The following PRELID2 variants were observed in gnomAD, a reference collection of about 807,000 sequenced individuals.
The protein encoded by PRELID2 is PRELI domain-containing protein 2.
Under a neutral mutation model 28.4 loss-of-function variants are expected in PRELID2, and 25 were observed. That is an observed-to-expected ratio of 0.88 (90% CI 0.64 to 1.23). The LOEUF (loss-of-function observed/expected upper bound fraction) is 1.23. PRELID2 is among the 50% of genes most tolerant of loss of function. The pLI is 0.00. For synonymous variants in PRELID2, 76 were observed against 71.6 expected (o/e 1.06, Z -0.31); for missense variants, 201 against 214.4 (o/e 0.94, Z 0.39).
At chr5:145,466,069 T>C in the PRELID2 span, among the ~76,000 whole-genome samples, 2 of 152,114 alleles carry the variant, frequency 1.3e-5, no homozygotes, top group Non-Finnish European at 2.9e-5. Context: ...GAGATTTTTC[T>C]TTCTGCTGCT....
At chr5:145,702,611 G>A (rs1050565347) in intron 1 of PRELID2, among the ~76,000 whole-genome samples, 3 of 152,040 alleles carry the variant, frequency 2.0e-5, no homozygotes, top group African/African-American at 2.4e-5. Flanking sequence ...AATGACATTC[G>A]GGTCTTCTGT....
chr5:145,270,184 C>A, the PRELID2 span, among the ~76,000 whole-genome samples: 2 of 151,858 alleles, frequency 1.3e-5, no homozygotes, highest in Non-Finnish European at 2.9e-5. Context: ...AACTCTTCAG[C>A]GGCTTCTTTA....
chr5:145,390,329 G>C, the PRELID2 span, among the ~76,000 whole-genome samples: 4 of 152,190 alleles, frequency 2.6e-5, no homozygotes, highest in African/African-American at 9.6e-5. Flanking sequence ...GTAATTTATA[G>C]AGGAAAGAGG....
the PRELID2 span, among the ~76,000 whole-genome samples, chr5:145,426,951 C>T: frequency 6.6e-6 from 1 of 152,188 alleles, no homozygotes; most frequent in Non-Finnish European, 1.5e-5. Context: ...AGTTTACCCA[C>T]CAATAGGCTT....
chr5:145,635,817 T>C (rs1211446672), intron 1 of PRELID2, among the ~76,000 whole-genome samples: 1 of 152,240 alleles, frequency 6.6e-6, no homozygotes, highest in Non-Finnish European at 1.5e-5. Context: ...AATGATCTTT[T>C]ACCAAGAGCT....
intron 1 of PRELID2, among the ~76,000 whole-genome samples, chr5:145,576,676 T>TAA (rs61665534): frequency 0.32 from 44,479 of 141,126 alleles, 8,186 homozygotes; most frequent in South Asian, 0.45. Context: ...AGCACAATAG[T>TAA]AAAAAAAAAA....
At chr5:145,604,312 T>TTTAG (rs1753464426) in intron 1 of PRELID2, among the ~76,000 whole-genome samples, 1 of 152,108 alleles carries the variant, frequency 6.6e-6, no homozygotes, top group African/African-American at 2.4e-5. Context: ...GTACTCAAGG[T>TTTAG]TTAGCTTCCA....
At chr5:145,487,460 C>T (rs369744835) in intron 1 of PRELID2, among the ~76,000 whole-genome samples, 66 of 152,092 alleles carry the variant, frequency 4.3e-4, no homozygotes, top group Non-Finnish European at 1.9e-4. Flanking sequence ...AATACTGATG[C>T]GAGTAGTATC....
chr5:145,421,234 G>T, the PRELID2 span, among the ~76,000 whole-genome samples: 2 of 148,268 alleles, frequency 1.3e-5, no homozygotes, highest in East Asian at 4.1e-4. Context: ...GTATCAGAAT[G>T]ATGCTGGCCT....
At chr5:145,579,718 C>A (rs995448567) in intron 1 of PRELID2, among the ~76,000 whole-genome samples, 16 of 151,934 alleles carry the variant, frequency 1.1e-4, no homozygotes, top group African/African-American at 2.7e-4. Context: ...GAGGCTGAGC[C>A]CCCCTTTGTC....
At chr5:145,316,461 A>G in the PRELID2 span, among the ~76,000 whole-genome samples, 1 of 152,134 alleles carries the variant, frequency 6.6e-6, no homozygotes, top group Admixed American at 6.5e-5. Context: ...AACACACCAT[A>G]ATCAATCCCT....
chr5:145,740,925 G>T (rs185354640), intron 1 of PRELID2, among the ~76,000 whole-genome samples: 63,694 of 79,528 alleles, frequency 0.8, 25,460 homozygotes, highest in East Asian at 0.97. Context: ...TATATTTATC[G>T]ATAAATATAT....
rs186612682 is a variant in PRELID2, at chr5:145,781,773, T to G, written c.474+14669A>C. Among the ~76,000 whole-genome samples, 360 of 147,518 alleles carry G rather than the reference T, an allele frequency of 2.4e-3. 3 individuals are homozygous for G. Among genetic ancestry groups the G allele is most frequent in the Admixed American group, 3.5e-3 (51 of 14,538 alleles). ...TCTATATATATACACTATATATATA[T>G]ATATACTATATCTATATACACACAT... On this transcript the variant is annotated intron_variant, in intron 5 of 6. Transcript: ENST00000683046.
chr5:145,229,714 T>C, the PRELID2 span: 5 of 756,412 alleles, frequency 6.6e-6, no homozygotes, highest in Non-Finnish European at 1.2e-5. Flanking sequence ...ATCAAGGTCT[T>C]CACCACAGAC....
At chr5:145,296,355 C>A in the PRELID2 span, among the ~76,000 whole-genome samples, 5 of 127,394 alleles carry the variant, frequency 3.9e-5, no homozygotes, top group East Asian at 2.7e-4. Context: ...CCCCACCCCA[C>A]AACAGTCCCC....
intron 1 of PRELID2, among the ~76,000 whole-genome samples, chr5:145,481,650 A>AAAAAAAAG (rs1752162758): frequency 5.1e-5 from 6 of 117,890 alleles, no homozygotes; most frequent in East Asian, 2.2e-4. Context: ...AAAAAAAAAA[A>AAAAAAAAG]AAAGAAAGAA....
chr5:145,331,841 G>C, the PRELID2 span, among the ~76,000 whole-genome samples: 1 of 152,088 alleles, frequency 6.6e-6, no homozygotes, highest in Non-Finnish European at 1.5e-5. Flanking sequence ...TTCCCCCTTA[G>C]TTTATGCAGT....
At chr5:145,378,752 T>A in the PRELID2 span, among the ~76,000 whole-genome samples, 1 of 152,192 alleles carries the variant, frequency 6.6e-6, no homozygotes, top group Non-Finnish European at 1.5e-5. Context: ...TTCAACAATC[T>A]TCATTTCTAT....
At chr5:145,733,083 A>T (rs1756390830) in intron 1 of PRELID2, among the ~76,000 whole-genome samples, 2 of 123,518 alleles carry the variant, frequency 1.6e-5, no homozygotes. Context: ...CTGTCTCTAC[A>T]AAAAAAAAAA....
Sources: gnomAD v4.1 joint callset for allele counts (sites outside exome capture counted in the v4.1 genomes callset) on GRCh38, gnomAD v4.1.1 for gene constraint, MANE v1.5 for transcripts, NCBI Gene and HGNC (gene_info 2026-07-23, HGNC 2026-07-21) for gene names.